FER1L6: variants seen among roughly 807,000 people sequenced by gnomAD.
The protein encoded by FER1L6 is fer-1-like protein 6.
A neutral mutation model predicts 219.2 loss-of-function variants in FER1L6; 177 were observed. That is an observed-to-expected ratio of 0.81 (90% CI 0.71 to 0.91). The LOEUF is 0.91. Ranked by LOEUF, FER1L6 falls within the 40% of genes least tolerant of loss-of-function variation. The pLI is 0.00. For synonymous variants in FER1L6, 768 were observed against 824.3 expected (o/e 0.93, Z 1.17); for missense variants, 2,153 against 2,259.9 (o/e 0.95, Z 0.96).
rs370013178 is a variant in FER1L6, at chr8:124,060,174, C to A, written c.2875-6C>A. ...GCATCTAACTCATACTTGCCTTGTG[C>A]GGTAGGTTCCTCCTTCTGGGCTGCA... On this transcript the variant is annotated splice_polypyrimidine_tract_variant and splice_region_variant and intron_variant, in intron 22 of 40. Coordinates refer to ENST00000522917, the MANE Select transcript of FER1L6 (RefSeq NM_001039112.2). 4 of 1,608,852 alleles carry A rather than the reference C, an allele frequency of 2.5e-6. No homozygotes were observed. The Admixed American group carries it at 5.0e-5, about 20-fold the overall frequency.
chr8:123,983,842 T>G (rs1446961778), intron 11 of FER1L6, among the ~76,000 whole-genome samples: 3 of 152,254 alleles, frequency 2.0e-5, no homozygotes, highest in East Asian at 1.9e-4. Flanking sequence ...TTAATAATTT[T>G]GGGCAGAGAT....
At chr8:124,065,844 C>T (rs1295360834) in intron 26 of FER1L6, among the ~76,000 whole-genome samples, 1 of 152,196 alleles carries the variant, frequency 6.6e-6, no homozygotes, top group African/African-American at 2.4e-5. Context: ...TGAATGCCAC[C>T]TTTCTGCCAC....
intron 1 of FER1L6, among the ~76,000 whole-genome samples, chr8:123,904,862 AGTT>A (rs1812923460): frequency 6.6e-6 from 1 of 152,238 alleles, no homozygotes; most frequent in Non-Finnish European, 1.5e-5. Flanking sequence ...TTCAAGAGTC[AGTT>A]GTTAAACATT....
In FER1L6 at chr8:123,858,734, C is replaced by T. The variant is rs570664063; in HGVS notation, c.-8+6549C>T. Among the ~76,000 whole-genome samples the T allele has an allele frequency of 6.6e-5, 10 of 152,308 alleles. No individual in the cohort carries two copies. The East Asian group carries it at 9.6e-4, about 15-fold the overall frequency. ...CTAGACGACCAGGAAGAAGGTGAGA[C>T]GGCTTGAGAAGCAGTGGATCAGTCT... On this transcript the variant is annotated intron_variant, in intron 1 of 40. Coordinates refer to ENST00000522917, the MANE Select transcript of FER1L6 (RefSeq NM_001039112.2).
chr8:123,966,180 G>A lies in FER1L6; in HGVS notation c.274G>A (p.Ala92Thr). 6.2e-7 allele frequency: 1 copy of A among 1,614,072 alleles called. No individual in the cohort carries two copies. Among genetic ancestry groups the A allele is most frequent in the Non-Finnish European group, 8.5e-7 (1 of 1,180,010 alleles). ...NYQIAITITE[A>T]RQLVGENIDP... ...GCAGATTGCCATAACCATCACCGAG[G>A]CTCGCCAGCTGGTGGGTGAGAACAT... The change falls in exon 5 of 41, where the codon GCT becomes ACT. Residue 92 changes from alanine (A) to threonine (T), a missense_variant. Transcript: ENST00000522917.
chr8:123,917,041 C>T (rs1813210943), intron 1 of FER1L6, among the ~76,000 whole-genome samples: 1 of 152,206 alleles, frequency 6.6e-6, no homozygotes, highest in South Asian at 2.1e-4. Context: ...CAGAGAATAG[C>T]AATTCCAACC....
At chr8:124,093,565 G>C (rs370666268) in intron 34 of FER1L6, among the ~76,000 whole-genome samples, 7 of 152,024 alleles carry the variant, frequency 4.6e-5, no homozygotes, top group East Asian at 3.9e-4. Context: ...GATATATTGA[G>C]AAAAATATTT....
chr8:124,006,701 C>T (rs951162684), intron 13 of FER1L6, among the ~76,000 whole-genome samples: 2 of 152,048 alleles, frequency 1.3e-5, no homozygotes, highest in African/African-American at 4.8e-5. Context: ...ATGTGATGAC[C>T]CAAAGTCACA....
chr8:123,988,195 T>C (rs540495078), intron 12 of FER1L6, among the ~76,000 whole-genome samples: 2 of 152,222 alleles, frequency 1.3e-5, no homozygotes, highest in Non-Finnish European at 2.9e-5. Context: ...GTGTCTGTTG[T>C]TATGCCAGTA....
At chr8:123,935,875 G>A (rs1048563111) in intron 1 of FER1L6, among the ~76,000 whole-genome samples, 2 of 151,294 alleles carry the variant, frequency 1.3e-5, no homozygotes, top group Non-Finnish European at 2.9e-5. Flanking sequence ...AGATGGGAAC[G>A]CACAGTAAGG....
intron 39 of FER1L6, 67 bp from the exon 40 acceptor site, chr8:124,118,777 T>C: frequency 7.6e-7 from 1 of 1,311,724 alleles, no homozygotes; most frequent in East Asian, 2.3e-5. Flanking sequence ...GTAACACTTC[T>C]AGAAGGTTGC....
intron 24 of FER1L6, 113 bp from the exon 25 acceptor site, chr8:124,061,739 A>T: frequency 2.0e-6 from 2 of 1,010,110 alleles, no homozygotes; most frequent in Non-Finnish European, 3.0e-6. Context: ...AGGACTGGCC[A>T]GGAGGGACAG....
chr8:124,051,079 T>A (rs996996215), intron 22 of FER1L6, among the ~76,000 whole-genome samples: 4 of 152,074 alleles, frequency 2.6e-5, no homozygotes, highest in Admixed American at 2.6e-4. Flanking sequence ...AGAGCTAGCA[T>A]CCTTATTGGG....
At chr8:123,888,203 A>C (rs2129687311) in intron 1 of FER1L6, among the ~76,000 whole-genome samples, 1 of 150,970 alleles carries the variant, frequency 6.6e-6, no homozygotes, top group South Asian at 2.1e-4. Context: ...TGCAATCTCC[A>C]CCTCCTGGGT....
chr8:123,937,349 C>T (rs998700439), intron 1 of FER1L6, among the ~76,000 whole-genome samples: 5 of 152,198 alleles, frequency 3.3e-5, no homozygotes, highest in Non-Finnish European at 5.9e-5. Flanking sequence ...ATCTATCTAG[C>T]TAGATATTAT....
chr8:123,908,311 T>C (rs558572698), intron 1 of FER1L6, among the ~76,000 whole-genome samples: 2 of 152,356 alleles, frequency 1.3e-5, no homozygotes, highest in South Asian at 4.1e-4. Context: ...TATTTCTCTC[T>C]CTTCTCTTGT....
chr8:124,025,013 G>C (rs1223575423), intron 18 of FER1L6, among the ~76,000 whole-genome samples: 1 of 151,644 alleles, frequency 6.6e-6, no homozygotes, highest in South Asian at 2.1e-4. Flanking sequence ...TTTTCTGGGA[G>C]GTGTCTATTC....
chr8:123,854,918 T>C (rs1563662716), intron 1 of FER1L6, among the ~76,000 whole-genome samples: 1 of 152,206 alleles, frequency 6.6e-6, no homozygotes, highest in Non-Finnish European at 1.5e-5. Context: ...GTGAAATTCA[T>C]GTAACATAAC....
At position 123,925,878 on chromosome 8, in the gene FER1L6, C is replaced by G. The variant is rs180999423; in HGVS notation, c.-7-30114C>G. 3 of 152,264 alleles carry G rather than the reference C, an allele frequency of 2.0e-5. No individual in the cohort carries two copies. The East Asian group carries it at 5.8e-4, about 29-fold the overall frequency. 9.4% of individuals were successfully genotyped at this position (152,264 alleles called of 1,614,324 possible). ...CCAGTCCAAAAGAAAACATGGGACT[C>G]TTTGTTTGACAATGATTATGAATTT... On this transcript the variant is annotated intron_variant, in intron 1 of 40. Coordinates refer to ENST00000522917, the MANE Select transcript of FER1L6 (RefSeq NM_001039112.2).
Sources: gnomAD v4.1 joint callset for allele counts (sites outside exome capture counted in the v4.1 genomes callset) on GRCh38, gnomAD v4.1.1 for gene constraint, MANE v1.5 for transcripts, NCBI Gene and HGNC (gene_info 2026-07-23, HGNC 2026-07-21) for gene names.